The following STPG1 variants were observed in gnomAD, a reference collection of about 807,000 sequenced individuals.
STPG1 encodes the protein O(6)-methylguanine-induced apoptosis 2.
A neutral mutation model predicts 40.1 loss-of-function variants in STPG1; 33 were observed. The observed-to-expected ratio is 0.82, with a 90% CI of 0.62 to 1.10. The LOEUF (loss-of-function observed/expected upper bound fraction) is 1.10. Among genes scored for constraint, STPG1 ranks in the 50% least tolerant of loss-of-function variants. The pLI, the probability that STPG1 is intolerant of heterozygous loss-of-function variation, is 0.00. For missense variants in STPG1, 396 were observed against 415.1 expected (o/e 0.95, Z 0.40); for synonymous variants, 150 against 155.0 (o/e 0.97, Z 0.24).
At chr1:24,366,104 A>G (rs1277288800) in intron 7 of STPG1, among the ~76,000 whole-genome samples, 1 of 152,230 alleles carries the variant, frequency 6.6e-6, no homozygotes, top group Non-Finnish European at 1.5e-5. Flanking sequence ...GCAGATCCAG[A>G]AAAGCATTTC....
Position 24,359,424 on chromosome 1 carries a change from T to C in STPG1, c.929-805A>G, listed in dbSNP as rs1640945656. On this transcript the variant is annotated intron_variant, in intron 8 of 8. Coordinates refer to ENST00000337248, the MANE Select transcript of STPG1 (RefSeq NM_001199013.2). This position sits in a 1 kb window ranked among gnomAD's most constrained non-coding sequence, Gnocchi z 5.3. Reference sequence around the variant, plus strand: ...TCACCCCTTGTATGGAGCATTTGCATGTTTGCAATGCTGAGTTCTCCTCGA... The same window carrying C: ...TCACCCCTTGTATGGAGCATTTGCACGTTTGCAATGCTGAGTTCTCCTCGA... 6.6e-6 allele frequency among the ~76,000 whole-genome samples: 1 copy of C among 152,230 alleles called. No individual in the cohort carries two copies. Among genetic ancestry groups the C allele is most frequent in the South Asian group, 2.1e-4 (1 of 4,834 alleles).
intron 3 of STPG1, among the ~76,000 whole-genome samples, chr1:24,388,022 G>A (rs1021157561): frequency 6.6e-6 from 1 of 152,196 alleles, no homozygotes; most frequent in Admixed American, 6.5e-5. Flanking sequence ...GATTTACTAT[G>A]TAATGGTATT....
chr1:24,369,565 G>T, intron 7 of STPG1, 109 bp downstream of exon 7: 1 of 1,196,618 alleles, frequency 8.4e-7, no homozygotes, highest in Non-Finnish European at 1.2e-6. Flanking sequence ...TGAAGAGAGT[G>T]GCCCGGCACT....
intron 2 of STPG1, among the ~76,000 whole-genome samples, chr1:24,397,157 C>T (rs780098261): frequency 6.6e-6 from 1 of 151,922 alleles, no homozygotes; most frequent in East Asian, 1.9e-4. Flanking sequence ...TGCTGATGTA[C>T]CCAATAAAAA....
At chr1:24,366,790 C>A (rs1009749130) in intron 7 of STPG1, among the ~76,000 whole-genome samples, 2 of 152,030 alleles carry the variant, frequency 1.3e-5, no homozygotes, top group African/African-American at 2.4e-5. Context: ...AGCCCCAGAC[C>A]ACAGAGCCAG....
intron 2 of STPG1, among the ~76,000 whole-genome samples, chr1:24,396,291 CT>C (rs367759276): frequency 0.021 from 2,310 of 109,552 alleles, 73 homozygotes; most frequent in African/African-American, 0.071. Flanking sequence ...ATCTATCTAT[CT>C]ATCTATCATC....
At chr1:24,374,250 TTTTTTTG>T (rs1452152233) in intron 5 of STPG1, among the ~76,000 whole-genome samples, 13 of 90,486 alleles carry the variant, frequency 1.4e-4, no homozygotes, top group East Asian at 1.0e-3. Context: ...AAGTGTTTTT[TTTTTTTG>T]TTTTTTTTTT....
At chr1:24,364,337 T>A in intron 7 of STPG1, 1 of 1,548,630 alleles carries the variant, frequency 6.5e-7, no homozygotes, top group Non-Finnish European at 8.7e-7. Flanking sequence ...CCCACCACCG[T>A]CAACAGCCTG....
rs1283687517 is a variant in STPG1, at chr1:24,379,681, A to C, written c.434T>G (p.Phe145Cys). 1 of 1,614,236 alleles carries C rather than the reference A, an allele frequency of 6.2e-7. No homozygotes were observed. Among genetic ancestry groups the C allele is most frequent in the Non-Finnish European group, 8.5e-7 (1 of 1,180,044 alleles). ...GTAATAGTTTGGTGCAGGAGTTTCA[A>C]ACTTGAGAGCTTTCATAAAGCTTGG... ...QLPSFMKALKFETPAPNYYNA... is the reference protein window; with the variant it reads ...QLPSFMKALKCETPAPNYYNA... Residue 145 changes from phenylalanine (F) to cysteine (C), a missense_variant, in exon 5 of 9, where the codon TTT becomes TGT. Coordinates refer to ENST00000337248, the MANE Select transcript of STPG1 (RefSeq NM_001199013.2).
intron 1 of STPG1, among the ~76,000 whole-genome samples, chr1:24,409,453 T>A (rs1456265998): frequency 6.6e-6 from 1 of 152,230 alleles, no homozygotes; most frequent in African/African-American, 2.4e-5. Context: ...TTAATAAAGC[T>A]GTTATTAAAA....
chr1:24,358,370 C>A lies in STPG1; in HGVS notation c.*173G>T, dbSNP rs1394037432. 5 of 713,884 alleles carry A rather than the reference C, an allele frequency of 7.0e-6. No homozygotes were observed. The highest frequency in any genetic ancestry group is 1.3e-5 in the Non-Finnish European group (5 of 389,376). 44.2% of individuals were successfully genotyped at this position (713,884 alleles called of 1,614,324 possible). A position where few individuals can be genotyped will look rare whatever the true frequency, so the allele number is the denominator to read the frequency against. ...TCTCCAGGGAGCAATGTCTCCAGCT[C>A]AAGACAAAGGCAATGGCAGCAGTCC... On this transcript the variant is annotated 3_prime_UTR_variant, in exon 9 of 9. Transcript: ENST00000337248.
At chr1:24,397,198 T>C (rs1643041000) in intron 2 of STPG1, among the ~76,000 whole-genome samples, 2 of 152,066 alleles carry the variant, frequency 1.3e-5, no homozygotes, top group Admixed American at 1.3e-4. Context: ...CAGAAACTGA[T>C]AAAACTGCGA....
intron 1 of STPG1, among the ~76,000 whole-genome samples, chr1:24,409,102 T>A (rs901784331): frequency 1.1e-4 from 16 of 152,170 alleles, no homozygotes; most frequent in Non-Finnish European, 2.2e-4. Flanking sequence ...GTGTGGTGGG[T>A]CACTCCTGTA....
chr1:24,411,876 A>G (rs1380960462), intron 1 of STPG1: 1 of 152,232 alleles, frequency 6.6e-6, no homozygotes, highest in African/African-American at 2.4e-5. Flanking sequence ...CACAGTTTAA[A>G]AACTCCTGGG....
intron 6 of STPG1, among the ~76,000 whole-genome samples, chr1:24,372,021 T>C (rs1269305780): frequency 6.6e-6 from 1 of 152,108 alleles, no homozygotes. Context: ...TTACTAAAAA[T>C]ACAAAAGTTA....
intron 5 of STPG1, among the ~76,000 whole-genome samples, chr1:24,376,251 C>T (rs563815588): frequency 1.3e-5 from 2 of 152,274 alleles, no homozygotes; most frequent in African/African-American, 4.8e-5. Context: ...AAACTCCTGA[C>T]CTCAGGTGAT....
chr1:24,412,464 C>A (rs1305849248), intron 1 of STPG1, among the ~76,000 whole-genome samples: 1 of 151,960 alleles, frequency 6.6e-6, no homozygotes, highest in Non-Finnish European at 1.5e-5. Flanking sequence ...GCACTTTTCA[C>A]TACCCAACAT....
At position 24,358,419 on chromosome 1, in the gene STPG1, G is replaced by T; in HGVS notation, c.*124C>A. On this transcript the variant is annotated 3_prime_UTR_variant, in exon 9 of 9. Transcript: ENST00000337248. Reference sequence around the variant, plus strand: ...CCGGCTAGGATGCCAGGCCAGAGTGGTAGAGCCACCCCCCAAGTTGTCAGC... The same window carrying T: ...CCGGCTAGGATGCCAGGCCAGAGTGTTAGAGCCACCCCCCAAGTTGTCAGC... 1.2e-6 allele frequency: 1 copy of T among 839,060 alleles called. No homozygotes were observed. The highest frequency in any genetic ancestry group is 2.1e-6 in the Non-Finnish European group (1 of 478,672). The allele number at this position is 839,060 out of a possible 1,614,324, so 52.0% of individuals were successfully genotyped here. A position where few individuals can be genotyped will look rare whatever the true frequency, so the allele number is the denominator to read the frequency against.
In STPG1 at chr1:24,391,556, A is replaced by G. The variant is rs1642772737; in HGVS notation, c.189+5T>C. ...ACGAAAGAACCCCTGAGACAACGTC[A>G]TTACCTTCTTATGAGGAAATCTCTT... is the stretch of plus-strand genomic sequence containing the variant. On this transcript the variant is annotated splice_donor_5th_base_variant and intron_variant, in intron 3 of 8. Coordinates refer to ENST00000337248, the MANE Select transcript of STPG1 (RefSeq NM_001199013.2). 1 of 1,498,610 alleles carries G rather than the reference A, an allele frequency of 6.7e-7. No homozygotes were observed. The highest frequency in any genetic ancestry group is 9.1e-7 in the Non-Finnish European group (1 of 1,100,420). 92.8% of individuals were successfully genotyped at this position (1,498,610 alleles called of 1,614,324 possible).
Sources: gnomAD v4.1 joint callset for allele counts (sites outside exome capture counted in the v4.1 genomes callset) on GRCh38, gnomAD v4.1.1 for gene constraint, Gnocchi (gnomAD v3.1) non-coding constraint, MANE v1.5 for transcripts, NCBI Gene and HGNC (gene_info 2026-07-23, HGNC 2026-07-21) for gene names.